IL1RAPL2: variants seen among roughly 807,000 people sequenced by gnomAD.
IL1RAPL2 encodes X-linked interleukin-1 receptor accessory protein-like 2.
A neutral mutation model predicts 44.1 loss-of-function variants in IL1RAPL2; 3 were observed. The ratio of observed to expected loss-of-function variants is 0.07; its 90% confidence interval spans 0.03 to 0.18. The LOEUF (loss-of-function observed/expected upper bound fraction) is 0.18, where lower values mean the gene tolerates loss of function less well. IL1RAPL2 is among the 10% of genes least tolerant of loss of function. The pLI is 1.00. For synonymous variants in IL1RAPL2, 181 were observed against 178.8 expected (o/e 1.01, Z -0.10); for missense variants, 391 against 496.4 (o/e 0.79, Z 2.02).
intron 2 of IL1RAPL2, among the ~76,000 whole-genome samples, chrX:104,722,662 T>G (rs1056566391): frequency 8.9e-6 from 1 of 111,918 alleles, no homozygotes; most frequent in East Asian, 2.8e-4. Context: ...CTCATATTGC[T>G]TTTCCATAGT....
intron 6 of IL1RAPL2, among the ~76,000 whole-genome samples, chrX:105,490,519 A>G (rs1199877255): frequency 1.8e-5 from 2 of 111,918 alleles, no homozygotes; most frequent in Non-Finnish European, 3.8e-5. Context: ...CTAGCATATC[A>G]GTTTCTACTG....
intron 6 of IL1RAPL2, among the ~76,000 whole-genome samples, chrX:105,681,745 G>A (rs748716525): frequency 2.7e-5 from 3 of 110,329 alleles, no homozygotes; most frequent in East Asian, 2.9e-4. Context: ...GCGAAAGAGC[G>A]AAACTCTGTC....
intron 5 of IL1RAPL2, among the ~76,000 whole-genome samples, chrX:105,400,450 G>T (rs2035598982): frequency 9.0e-6 from 1 of 110,814 alleles, no homozygotes; most frequent in Admixed American, 9.6e-5. Flanking sequence ...TTTCATACAT[G>T]GCTTTTCACT....
chrX:105,747,183 G>A (rs932126311), intron 8 of IL1RAPL2, among the ~76,000 whole-genome samples: 3 of 109,364 alleles, frequency 2.7e-5, no homozygotes, highest in African/African-American at 1.0e-4. Context: ...CTAATTATGT[G>A]GTGAAATTTT....
chrX:105,095,444 A>G (rs1345254703), intron 2 of IL1RAPL2, among the ~76,000 whole-genome samples: 1 of 111,483 alleles, frequency 9.0e-6, no homozygotes, highest in African/African-American at 3.3e-5. Flanking sequence ...TTTCCTTTTT[A>G]TTAATATTAC....
intron 2 of IL1RAPL2, among the ~76,000 whole-genome samples, chrX:104,705,731 A>T (rs1053690991): frequency 3.6e-5 from 4 of 111,539 alleles, no homozygotes; most frequent in South Asian, 3.8e-4. Context: ...ACTGGAGGCG[A>T]GAGGGAAATC....
At chrX:105,510,936 A>G (rs144298895) in intron 6 of IL1RAPL2, among the ~76,000 whole-genome samples, 2 of 112,067 alleles carry the variant, frequency 1.8e-5, no homozygotes, top group East Asian at 5.7e-4. Flanking sequence ...TTGCACAGCA[A>G]TAGATAACTA....
chrX:105,321,350 A>G (rs1245507957), intron 5 of IL1RAPL2, among the ~76,000 whole-genome samples: 1 of 111,607 alleles, frequency 9.0e-6, no homozygotes, highest in Non-Finnish European at 1.9e-5. Flanking sequence ...CAAGACCAGC[A>G]TGCAGATATC....
At chrX:104,652,759 T>C (rs1474084889) in intron 1 of IL1RAPL2, among the ~76,000 whole-genome samples, 1 of 111,971 alleles carries the variant, frequency 8.9e-6, no homozygotes, top group Non-Finnish European at 1.9e-5. Flanking sequence ...GTATAACTTT[T>C]TAGCTGCTTT....
rs2031671968 is a variant in IL1RAPL2 at position 105,038,814 on chromosome X, A to G, written c.83-156661A>G. Among the ~76,000 whole-genome samples, 5 of 110,566 alleles carry G rather than the reference A, an allele frequency of 4.5e-5. No individual in the cohort carries two copies. In the Admixed American group the frequency reaches 4.9e-4, roughly 11 times the overall value. Reference sequence around the variant, plus strand: ...TGGTGCTAGAGGATTATTTATTTATATATTGCATTAACTTCTAGTTACTTC... The same window carrying G: ...TGGTGCTAGAGGATTATTTATTTATGTATTGCATTAACTTCTAGTTACTTC... On this transcript the variant is annotated intron_variant, in intron 2 of 10. Coordinates refer to ENST00000372582, the MANE Select transcript of IL1RAPL2 (RefSeq NM_017416.2).
chrX:105,415,575 A>C (rs1023477703), intron 5 of IL1RAPL2, among the ~76,000 whole-genome samples: 1 of 111,552 alleles, frequency 9.0e-6, no homozygotes, highest in African/African-American at 3.3e-5. Flanking sequence ...TACTTTCTTT[A>C]TATTTTTTTC....
intron 2 of IL1RAPL2, among the ~76,000 whole-genome samples, chrX:105,029,553 C>T (rs1410758531): frequency 9.3e-6 from 1 of 107,861 alleles, no homozygotes; most frequent in African/African-American, 3.4e-5. Flanking sequence ...TTTCCAGTTT[C>T]ATCCATGTCC....
intron 6 of IL1RAPL2, 62 bp from the exon 7 acceptor site, chrX:105,717,305 G>T: frequency 9.9e-7 from 1 of 1,014,430 alleles, no homozygotes. Flanking sequence ...TTAAATGGTC[G>T]CTTCCTGTCT....
chrX:104,607,192 A>G (rs1929035530), intron 1 of IL1RAPL2, among the ~76,000 whole-genome samples: 1 of 112,324 alleles, frequency 8.9e-6, no homozygotes, highest in South Asian at 3.7e-4. Flanking sequence ...CCAGACACAG[A>G]AAACTGAAAC....
intron 5 of IL1RAPL2, among the ~76,000 whole-genome samples, chrX:105,368,606 A>G (rs1354659116): frequency 9.0e-6 from 1 of 111,514 alleles, no homozygotes; most frequent in African/African-American, 3.3e-5. Flanking sequence ...TGCAGCTTTC[A>G]ATATTCTACC....
intron 6 of IL1RAPL2, among the ~76,000 whole-genome samples, chrX:105,486,438 A>G (rs1170943495): frequency 8.9e-6 from 1 of 111,944 alleles, no homozygotes; most frequent in Non-Finnish European, 1.9e-5. Context: ...ATATTTGGAA[A>G]TAATGAAGTA....
chrX:104,854,646 G>C lies in IL1RAPL2; in HGVS notation c.82+195651G>C, dbSNP rs149904466. Among the ~76,000 whole-genome samples the C allele has an allele frequency of 6.3e-3, 690 of 108,931 alleles. 3 individuals are homozygous for C. Among genetic ancestry groups the C allele is most frequent in the African/African-American group, 0.022 (657 of 29,872 alleles). The allele number at this position is 108,931 out of a possible 115,157, so 94.6% of individuals were successfully genotyped here. A position where few individuals can be genotyped will look rare whatever the true frequency, so the allele number is the denominator to read the frequency against. On this transcript the variant is annotated intron_variant, in intron 2 of 10. Coordinates refer to ENST00000372582, the MANE Select transcript of IL1RAPL2 (RefSeq NM_017416.2). ...ACTGGAGTAGAAGCTGGTTACAAGAGAAAGAATTTTTTTTTTTTTTTGCCT... is the reference window on the plus strand; with the variant it reads ...ACTGGAGTAGAAGCTGGTTACAAGACAAAGAATTTTTTTTTTTTTTTGCCT...
intron 4 of IL1RAPL2, among the ~76,000 whole-genome samples, chrX:105,255,611 T>C (rs1453342428): frequency 8.9e-6 from 1 of 112,076 alleles, no homozygotes; most frequent in African/African-American, 3.2e-5. Context: ...AGAGATAGTT[T>C]GACTTCTTCT....
chrX:105,048,857 C>T (rs1175170850), intron 2 of IL1RAPL2, among the ~76,000 whole-genome samples: 1 of 112,279 alleles, frequency 8.9e-6, no homozygotes, highest in African/African-American at 3.2e-5. Context: ...ATTTCCACTT[C>T]TCAATAACCA....
Sources: gnomAD v4.1 joint callset for allele counts (sites outside exome capture counted in the v4.1 genomes callset) on GRCh38, gnomAD v4.1.1 for gene constraint, MANE v1.5 for transcripts, NCBI Gene and HGNC (gene_info 2026-07-23, HGNC 2026-07-21) for gene names.